The following ADAMDEC1 variants were observed in gnomAD, a reference collection of about 807,000 sequenced individuals.
ADAMDEC1 encodes ADAM like decysin 1.
A neutral mutation model predicts 60.4 loss-of-function variants in ADAMDEC1; 62 were observed. That is an observed-to-expected ratio of 1.03 (90% CI 0.84 to 1.27). The LOEUF is 1.27. ADAMDEC1 is among the 50% of genes most tolerant of loss of function. The pLI is 0.00. For synonymous variants in ADAMDEC1, 210 were observed against 195.1 expected (o/e 1.08, Z -0.64); for missense variants, 595 against 565.0 (o/e 1.05, Z -0.54).
At chr8:24,396,277 G>A (rs1287155381) in intron 5 of ADAMDEC1, among the ~76,000 whole-genome samples, 3 of 152,180 alleles carry the variant, frequency 2.0e-5, no homozygotes, top group East Asian at 1.9e-4. Flanking sequence ...TTGGGAGGGC[G>A]AGGCGGGCAG....
chr8:24,401,927 A>G lies in ADAMDEC1; in HGVS notation c.1155A>G (p.Pro385=). 1 of 1,608,950 alleles carries G rather than the reference A, an allele frequency of 6.2e-7. No homozygotes were observed. ...VMNQYLSSKF[P]KDFSTSCRAH... ...CTTCTGATTACAGTTCAAAATTCCCAAAGGATTTCAGTACATCTTGCCGTG... is the reference window on the plus strand; with the variant it reads ...CTTCTGATTACAGTTCAAAATTCCCGAAGGATTTCAGTACATCTTGCCGTG... The change falls in exon 12 of 14, where the codon CCA becomes CCG. Residue 385 remains proline (P), a synonymous_variant. Transcript: ENST00000256412.
chr8:24,405,522 T>C lies in ADAMDEC1; in HGVS notation c.*224T>C. The C allele has an allele frequency of 4.1e-6, 2 of 485,894 alleles. No individual in the cohort carries two copies. Among genetic ancestry groups the C allele is most frequent in the Non-Finnish European group, 7.2e-6 (2 of 278,086 alleles). The allele number at this position is 485,894 out of a possible 1,614,324, so 30.1% of individuals were successfully genotyped here. A position where few individuals can be genotyped will look rare whatever the true frequency, so the allele number is the denominator to read the frequency against. On this transcript the variant is annotated 3_prime_UTR_variant, in exon 14 of 14. Transcript: ENST00000256412. The stretch of plus-strand genomic sequence containing the variant: ...TTTTACTTTTTTTTTTCTTTTTTCT[T>C]TTTTTTTAAAGATCATGAATTTGTG...
intron 10 of ADAMDEC1, 82 bp downstream of exon 10, chr8:24,399,556 A>ATGTTCATTTTGCTC: frequency 8.7e-7 from 1 of 1,143,724 alleles, no homozygotes; most frequent in Non-Finnish European, 1.3e-6. Context: ...GAATGAGCAA[A>ATGTTCATTTTGCTC]ATGAACATTT....
intron 2 of ADAMDEC1, among the ~76,000 whole-genome samples, chr8:24,392,830 G>A (rs1817480057): frequency 7.6e-6 from 1 of 131,680 alleles, no homozygotes; most frequent in South Asian, 2.6e-4. Flanking sequence ...CTATTACATT[G>A]TTGCAAGTAT....
At chr8:24,397,658 C>T (rs988366160) in intron 6 of ADAMDEC1, 25 bp from the exon 7 acceptor site, 14 of 1,597,288 alleles carry the variant, frequency 8.8e-6, no homozygotes, top group Non-Finnish European at 1.2e-5. Context: ...TAATGATTAA[C>T]AATGTTCTTT....
intron 4 of ADAMDEC1, among the ~76,000 whole-genome samples, chr8:24,395,287 C>T (rs1817577623): frequency 6.6e-6 from 1 of 152,194 alleles, no homozygotes; most frequent in African/African-American, 2.4e-5. Context: ...TGCACAGTGC[C>T]TTTGGCACTC....
At chr8:24,389,858 T>C (rs1169968677) in intron 1 of ADAMDEC1, among the ~76,000 whole-genome samples, 1 of 152,204 alleles carries the variant, frequency 6.6e-6, no homozygotes, top group African/African-American at 2.4e-5. Context: ...CTTCCTGAAG[T>C]CTTGGCTTAA....
Position 24,395,664 on chromosome 8 carries a change from T to TCACA in ADAMDEC1, c.364-55_364-52dup, listed in dbSNP as rs1377291338. ...CATAGTTTATACATTACACACACAC[T>TCACA]CACATACACACACACACACACATTT... is the stretch of plus-strand genomic sequence containing the variant. On this transcript the variant is annotated intron_variant, in intron 4 of 13. Transcript: ENST00000256412. 2.7e-6 allele frequency: 3 copies of TCACA among 1,119,410 alleles called. No homozygotes were observed. In the Admixed American group the frequency reaches 5.8e-5, roughly 21 times the overall value. The allele number at this position is 1,119,410 out of a possible 1,614,324, so 69.3% of individuals were successfully genotyped here.
At chr8:24,393,043 A>G (rs1055115519) in intron 2 of ADAMDEC1, among the ~76,000 whole-genome samples, 14 of 151,926 alleles carry the variant, frequency 9.2e-5, no homozygotes, top group Non-Finnish European at 1.5e-4. Flanking sequence ...CTCACATATT[A>G]AAGCTAGTTT....
chr8:24,388,687 G>A (rs77786015), intron 1 of ADAMDEC1, among the ~76,000 whole-genome samples: 2 of 152,202 alleles, frequency 1.3e-5, no homozygotes, highest in East Asian at 3.9e-4. Context: ...TTAGCTTTAA[G>A]TACCATCCAC....
chr8:24,405,800 C>T lies in ADAMDEC1; in HGVS notation c.*502C>T, dbSNP rs1817874390. ...TCCTCTGTGTTCACTTCGCCTTGCTCTTGAAAGTGCAGTATTTTTCTACAT... is the reference window on the plus strand; with the variant it reads ...TCCTCTGTGTTCACTTCGCCTTGCTTTTGAAAGTGCAGTATTTTTCTACAT... On this transcript the variant is annotated 3_prime_UTR_variant, in exon 14 of 14. Transcript: ENST00000256412. 1 of 152,782 alleles carries T rather than the reference C, an allele frequency of 6.5e-6. No homozygotes were observed. The highest frequency in any genetic ancestry group is 2.4e-5 in the African/African-American group (1 of 41,466). 9.5% of individuals were successfully genotyped at this position (152,782 alleles called of 1,614,324 possible). A position where few individuals can be genotyped will look rare whatever the true frequency, so the allele number is the denominator to read the frequency against.
intron 1 of ADAMDEC1, among the ~76,000 whole-genome samples, chr8:24,386,853 A>G (rs1009325143): frequency 6.6e-6 from 1 of 152,204 alleles, no homozygotes; most frequent in East Asian, 1.9e-4. Flanking sequence ...AGACACAGGT[A>G]TGCAGTGTAA....
intron 2 of ADAMDEC1, 41 bp downstream of exon 2, chr8:24,392,421 C>A: frequency 7.0e-7 from 1 of 1,426,648 alleles, no homozygotes; most frequent in Non-Finnish European, 9.7e-7. Flanking sequence ...TACAATCATC[C>A]AAAGAGACAA....
chr8:24,384,710 A>C (rs940439794), intron 1 of ADAMDEC1, 118 bp downstream of exon 1: 17 of 886,528 alleles, frequency 1.9e-5, no homozygotes, highest in Non-Finnish European at 2.5e-5. Context: ...TACCATTTGC[A>C]TTTTGGTAGA....
At chr8:24,392,747 T>C (rs375796564) in intron 2 of ADAMDEC1, among the ~76,000 whole-genome samples, 303 of 152,294 alleles carry the variant, frequency 2.0e-3, no homozygotes, top group Non-Finnish European at 3.6e-3. Flanking sequence ...ATTTTGTCAA[T>C]AGTGAAAAAT....
chr8:24,399,409 A>C lies in ADAMDEC1; in HGVS notation c.946A>C (p.Asn316His), dbSNP rs1749899432. 6.2e-7 allele frequency: 1 copy of C among 1,613,808 alleles called. No individual in the cohort carries two copies. The highest frequency in any genetic ancestry group is 1.3e-5 in the African/African-American group (1 of 74,918). The change falls in exon 10 of 14, where the codon AAT (asparagine) becomes CAT (histidine). Residue 316 changes from asparagine (N) to histidine (H), a missense_variant. Transcript: ENST00000256412. ...TTCATACAGCGGGATTAGCTTCAAC[A>C]ATCGACGTGTGGGACTGGCAGCTTC... Reference protein sequence around the residue: ...AQLLSGISFNNRRVGLAASNS... With the variant: ...AQLLSGISFNHRRVGLAASNS...
chr8:24,392,033 T>G (rs1007973799), intron 1 of ADAMDEC1, among the ~76,000 whole-genome samples: 4 of 152,036 alleles, frequency 2.6e-5, no homozygotes, highest in Non-Finnish European at 5.9e-5. Flanking sequence ...AGAATTGTTT[T>G]ATAATCTTCA....
intron 1 of ADAMDEC1, 118 bp downstream of exon 1, chr8:24,384,710 A>G: frequency 1.1e-6 from 1 of 886,646 alleles, no homozygotes; most frequent in South Asian, 1.9e-5. Context: ...TACCATTTGC[A>G]TTTTGGTAGA....
intron 1 of ADAMDEC1, among the ~76,000 whole-genome samples, chr8:24,386,292 ATTC>A (rs1817290004): frequency 6.6e-6 from 1 of 152,226 alleles, no homozygotes; most frequent in South Asian, 2.1e-4. Flanking sequence ...CTGGTAAATT[ATTC>A]TTCTTTCAAT....
Sources: allele counts gnomAD v4.1 joint callset (sites outside exome capture counted in the v4.1 genomes callset), GRCh38; gene constraint gnomAD v4.1.1; transcripts MANE v1.5; gene names NCBI Gene and HGNC (gene_info 2026-07-23, HGNC 2026-07-21).